Variants in CSMD1 observed in about 807,000 individuals in gnomAD.
CSMD1 encodes the protein CUB and Sushi multiple domains 1.
In CSMD1, 213 loss-of-function variants were observed where a neutral mutation model predicts 417.5. The ratio of observed to expected loss-of-function variants is 0.51; its 90% CI spans 0.46 to 0.57. CSMD1 has a LOEUF of 0.57. Among genes scored for constraint, CSMD1 ranks in the 20% least tolerant of loss-of-function variants. The pLI, the probability that CSMD1 is intolerant of heterozygous loss-of-function variation, is 0.00. For missense variants in CSMD1, 6,923 were observed against 4,529.7 expected (o/e 1.53, Z -15.17); for synonymous variants, 2,862 against 1,736.8 (o/e 1.65, Z -16.11).
At chr8:3,381,035 A>T (rs1309298424) in intron 18 of CSMD1, among the ~76,000 whole-genome samples, 1 of 152,194 alleles carries the variant, frequency 6.6e-6, no homozygotes. Context: ...AATCAAAATT[A>T]TGTATCTCAA....
At chr8:3,439,295 ATATATATATATATAT>A (rs1385983588) in intron 12 of CSMD1, among the ~76,000 whole-genome samples, 9 of 47,984 alleles carry the variant, frequency 1.9e-4, no homozygotes, top group African/African-American at 1.2e-3. Flanking sequence ...ATATATATAT[ATATATATATATATAT>A]TTTTTTTTTT....
At chr8:3,276,095 A>G (rs949405190) in intron 26 of CSMD1, among the ~76,000 whole-genome samples, 1 of 152,116 alleles carries the variant, frequency 6.6e-6, no homozygotes, top group Non-Finnish European at 1.5e-5. Flanking sequence ...GTTGATGTAC[A>G]GATGGGTTTT....
chr8:3,973,546 C>G (rs1005026832), intron 5 of CSMD1, among the ~76,000 whole-genome samples: 1 of 152,046 alleles, frequency 6.6e-6, no homozygotes, highest in African/African-American at 2.4e-5. Context: ...CTACAAACAA[C>G]AAAATTCTTT....
intron 2 of CSMD1, among the ~76,000 whole-genome samples, chr8:4,523,026 A>C (rs1803556625): frequency 6.6e-6 from 1 of 152,128 alleles, no homozygotes; most frequent in Admixed American, 6.6e-5. Context: ...TTAATGACAA[A>C]ATGAGCAGGT....
At chr8:4,764,822 G>C (rs1274683561) in intron 1 of CSMD1, among the ~76,000 whole-genome samples, 3 of 135,016 alleles carry the variant, frequency 2.2e-5, no homozygotes, top group Non-Finnish European at 3.0e-5. Flanking sequence ...GCGGTGAGCA[G>C]AGATCGCGCC....
intron 1 of CSMD1, among the ~76,000 whole-genome samples, chr8:4,666,077 T>G (rs970293997): frequency 6.6e-6 from 1 of 152,230 alleles, no homozygotes; most frequent in South Asian, 2.1e-4. Context: ...GACAATCTCA[T>G]TTTGCTTCTA....
At chr8:4,316,893 G>A (rs572260349) in intron 3 of CSMD1, among the ~76,000 whole-genome samples, 11 of 152,184 alleles carry the variant, frequency 7.2e-5, no homozygotes, top group Non-Finnish European at 1.3e-4. Flanking sequence ...CTTGGGGTGG[G>A]GGAATCTTCA....
chr8:3,679,002 C>G (rs1245492857), intron 7 of CSMD1, among the ~76,000 whole-genome samples: 1 of 152,118 alleles, frequency 6.6e-6, no homozygotes, highest in Non-Finnish European at 1.5e-5. Flanking sequence ...TTTGCCACCA[C>G]CAGACCTCCC....
intron 5 of CSMD1, among the ~76,000 whole-genome samples, chr8:3,956,614 A>G (rs1426793253): frequency 1.3e-5 from 2 of 152,224 alleles, no homozygotes; most frequent in African/African-American, 2.4e-5. Flanking sequence ...TTAAATTCTG[A>G]TAACAAGACT....
At chr8:4,394,824 T>C (rs1441903195) in intron 3 of CSMD1, among the ~76,000 whole-genome samples, 1 of 152,150 alleles carries the variant, frequency 6.6e-6, no homozygotes, top group Admixed American at 6.5e-5. Context: ...AATTTCTGGA[T>C]TTTTTCATGG....
chr8:4,080,335 T>C (rs987296399), intron 3 of CSMD1, among the ~76,000 whole-genome samples: 1 of 152,070 alleles, frequency 6.6e-6, no homozygotes, highest in Admixed American at 6.6e-5. Flanking sequence ...CGTGAGTACT[T>C]CACAAGTGAA....
chr8:3,362,220 C>T (rs1809233951), intron 20 of CSMD1, among the ~76,000 whole-genome samples: 3 of 152,136 alleles, frequency 2.0e-5, no homozygotes, highest in African/African-American at 7.2e-5. Context: ...CACCATATCC[C>T]TACTCTGGTT....
chr8:4,536,992 A>C (rs1797134510), intron 2 of CSMD1, among the ~76,000 whole-genome samples: 1 of 152,188 alleles, frequency 6.6e-6, no homozygotes, highest in Non-Finnish European at 1.5e-5. Flanking sequence ...ATTTCTCTTA[A>C]CATATCATAC....
At chr8:4,628,176 A>T (rs1026494512) in intron 2 of CSMD1, among the ~76,000 whole-genome samples, 1 of 151,430 alleles carries the variant, frequency 6.6e-6, no homozygotes, top group Non-Finnish European at 1.5e-5. Flanking sequence ...ATGATTTTTA[A>T]AATTTTTCTT....
intron 3 of CSMD1, among the ~76,000 whole-genome samples, chr8:4,416,492 T>TC (rs1563150877): frequency 6.6e-6 from 1 of 152,106 alleles, no homozygotes; most frequent in East Asian, 1.9e-4. Flanking sequence ...TATTTAGACT[T>TC]TAGAACCAAA....
chr8:4,540,265 A>C (rs552039133), intron 2 of CSMD1, among the ~76,000 whole-genome samples: 103 of 152,348 alleles, frequency 6.8e-4, no homozygotes, highest in Non-Finnish European at 1.3e-3. Flanking sequence ...AAGTAAAATA[A>C]GGAAAGATTT....
intron 3 of CSMD1, among the ~76,000 whole-genome samples, chr8:4,107,969 T>C (rs1244217008): frequency 2.0e-5 from 3 of 151,818 alleles, no homozygotes; most frequent in Admixed American, 6.6e-5. Context: ...AAAAGTAGCA[T>C]TGACCGGGGA....
chr8:4,708,851 G>A (rs572789997), intron 1 of CSMD1, among the ~76,000 whole-genome samples: 2 of 152,142 alleles, frequency 1.3e-5, no homozygotes, highest in Non-Finnish European at 2.9e-5. Flanking sequence ...CATGACTGGT[G>A]TTGTTATAAG....
intron 3 of CSMD1, among the ~76,000 whole-genome samples, chr8:4,327,908 A>T (rs1336807671): frequency 6.6e-6 from 1 of 152,136 alleles, no homozygotes. Context: ...CAGGTCCCTA[A>T]TTTTCCTTGC....
Sources: gnomAD v4.1 joint callset for allele counts (sites outside exome capture counted in the v4.1 genomes callset) on GRCh38, gnomAD v4.1.1 for gene constraint, MANE v1.5 for transcripts, NCBI Gene and HGNC (gene_info 2026-07-23, HGNC 2026-07-21) for gene names.